The following GPATCH8 variants were observed in gnomAD, a reference collection of about 807,000 sequenced individuals.
The protein encoded by GPATCH8 is G patch domain-containing protein 8.
Under a neutral mutation model 118.3 loss-of-function variants are expected in GPATCH8, and 18 were observed. The ratio of observed to expected loss-of-function variants is 0.15; its 90% CI spans 0.11 to 0.23. The LOEUF is 0.23. Among genes scored for constraint, GPATCH8 ranks in the 10% least tolerant of loss-of-function variants. GPATCH8 has a pLI of 1.00. For missense variants in GPATCH8, 1,631 were observed against 1,873.8 expected, an observed-to-expected ratio of 0.87 and a Z score of 2.39; for synonymous variants, 659 against 684.7, an observed-to-expected ratio of 0.96 and a Z score of 0.59.
intron 1 of GPATCH8, among the ~76,000 whole-genome samples, chr17:44,500,018 T>C (rs1254593384): frequency 6.6e-6 from 1 of 152,102 alleles, no homozygotes. Flanking sequence ...CTAGAAGCCG[T>C]TGGGAGACCA....
intron 3 of GPATCH8, chr17:44,436,778 G>T: frequency 1.8e-6 from 1 of 563,420 alleles, no homozygotes; most frequent in Non-Finnish European, 3.2e-6. Flanking sequence ...AAATTACTAT[G>T]GCAAAATTAC....
intron 3 of GPATCH8, among the ~76,000 whole-genome samples, chr17:44,462,837 T>C (rs899835856): frequency 6.6e-6 from 1 of 151,796 alleles, no homozygotes; most frequent in South Asian, 2.1e-4. Context: ...AATAATTAGC[T>C]GGGCGTGGTG....
chr17:44,432,949 C>T (rs1426221850), intron 5 of GPATCH8, among the ~76,000 whole-genome samples: 2 of 152,084 alleles, frequency 1.3e-5, no homozygotes, highest in African/African-American at 4.8e-5. Flanking sequence ...AGTGATCCTC[C>T]CAATTCAGCT....
intron 2 of GPATCH8, chr17:44,467,143 AAAGT>A: frequency 8.4e-7 from 1 of 1,188,756 alleles, no homozygotes. Context: ...AATGTAACAC[AAAGT>A]AAGAAACTGT....
At chr17:44,449,777 T>G (rs1392199975) in intron 3 of GPATCH8, among the ~76,000 whole-genome samples, 4 of 152,012 alleles carry the variant, frequency 2.6e-5, no homozygotes, top group Non-Finnish European at 4.4e-5. Context: ...CCTCCCAGAG[T>G]GCTGGGATTA....
At chr17:44,459,088 A>AT (rs1200774403) in intron 3 of GPATCH8, among the ~76,000 whole-genome samples, 1 of 152,124 alleles carries the variant, frequency 6.6e-6, no homozygotes. Flanking sequence ...TAGATGTTAG[A>AT]TTTTTCAGAA....
At chr17:44,416,061 G>A (rs143235494) in intron 6 of GPATCH8, among the ~76,000 whole-genome samples, 1 of 152,288 alleles carries the variant, frequency 6.6e-6, no homozygotes, top group East Asian at 1.9e-4. Flanking sequence ...GGAGTGTAGC[G>A]GTACTATATT....
intron 5 of GPATCH8, among the ~76,000 whole-genome samples, chr17:44,434,088 C>T (rs762426188): frequency 6.6e-6 from 1 of 151,648 alleles, no homozygotes; most frequent in East Asian, 1.9e-4. Context: ...TTAGATCACA[C>T]CACTGTACTC....
At chr17:44,440,984 G>A (rs1268029102) in intron 3 of GPATCH8, among the ~76,000 whole-genome samples, 1 of 152,072 alleles carries the variant, frequency 6.6e-6, no homozygotes, top group African/African-American at 2.4e-5. Flanking sequence ...CTGAGTAGCC[G>A]GGACTACAGG....
chr17:44,462,712 G>A (rs2144286147), intron 3 of GPATCH8, among the ~76,000 whole-genome samples: 1 of 152,224 alleles, frequency 6.6e-6, no homozygotes, highest in East Asian at 1.9e-4. Context: ...GCCAGGCGCG[G>A]TGGCTCACAC....
At chr17:44,442,037 A>AAAAAT (rs918751369) in intron 3 of GPATCH8, among the ~76,000 whole-genome samples, 7 of 151,000 alleles carry the variant, frequency 4.6e-5, no homozygotes, top group Non-Finnish European at 5.9e-5. Flanking sequence ...TCAAAGAGAC[A>AAAAAT]AAAATAAAAT....
chr17:44,501,919 A>AAT (rs1012013635), intron 1 of GPATCH8, among the ~76,000 whole-genome samples: 28 of 151,856 alleles, frequency 1.8e-4, no homozygotes, highest in Admixed American at 9.2e-4. Context: ...AGTGCTTGCT[A>AAT]ATATATATAT....
At position 44,415,852 on chromosome 17, in the gene GPATCH8, G is replaced by A. The variant is rs142371257; in HGVS notation, c.492+8497C>T. 7.2e-3 allele frequency among the ~76,000 whole-genome samples: 1,103 copies of A among 152,254 alleles called. 13 individuals carry two copies. Among genetic ancestry groups the A allele is most frequent in the Middle Eastern group, 0.044 (13 of 294 alleles). ...AGGCAGAATCATTTTTAGTCAACTG[G>A]GATTGAGTGCCAAAATGAAGAACAG... On this transcript the variant is annotated intron_variant, in intron 6 of 7. Coordinates refer to ENST00000591680, the MANE Select transcript of GPATCH8 (RefSeq NM_001002909.4).
intron 1 of GPATCH8, among the ~76,000 whole-genome samples, chr17:44,489,724 TATA>T (rs1204614041): frequency 1.3e-5 from 2 of 152,122 alleles, no homozygotes; most frequent in African/African-American, 4.8e-5. Context: ...AGGGCACAAC[TATA>T]ATAATAGTAG....
intron 3 of GPATCH8, among the ~76,000 whole-genome samples, chr17:44,448,108 TA>T (rs954148398): frequency 2.0e-5 from 3 of 152,200 alleles, no homozygotes; most frequent in Admixed American, 2.0e-4. Flanking sequence ...CAAGCCCGGC[TA>T]ATTTAAATTT....
chr17:44,425,388 A>C (rs1047633533), intron 5 of GPATCH8, among the ~76,000 whole-genome samples: 7 of 152,236 alleles, frequency 4.6e-5, no homozygotes, highest in Admixed American at 2.6e-4. Context: ...AGTAAACAAG[A>C]AAAGGTTATT....
intron 3 of GPATCH8, among the ~76,000 whole-genome samples, chr17:44,442,864 G>T (rs529184628): frequency 2.6e-5 from 4 of 152,300 alleles, no homozygotes; most frequent in Admixed American, 6.5e-5. Flanking sequence ...GATGCCTTGA[G>T]GACAGGAGTT....
intron 1 of GPATCH8, among the ~76,000 whole-genome samples, chr17:44,492,106 C>A (rs146683699): frequency 2.4e-4 from 36 of 151,860 alleles, no homozygotes; most frequent in African/African-American, 8.2e-4. Context: ...TCAAGACCAG[C>A]CTGGCCAACA....
At chr17:44,446,080 C>T (rs1314099278) in intron 3 of GPATCH8, among the ~76,000 whole-genome samples, 1 of 151,794 alleles carries the variant, frequency 6.6e-6, no homozygotes, top group Admixed American at 6.6e-5. Context: ...GCTAGGACTA[C>T]AGGCACTCAC....
Sources: allele counts gnomAD v4.1 joint callset (sites outside exome capture counted in the v4.1 genomes callset), GRCh38; gene constraint gnomAD v4.1.1; transcripts MANE v1.5; gene names NCBI Gene and HGNC (gene_info 2026-07-23, HGNC 2026-07-21).